C12orf42: variants seen among roughly 807,000 people sequenced by gnomAD.
C12orf42 encodes the protein chromosome 12 open reading frame 42, also known as uncharacterized protein C12orf42.
Under a neutral mutation model 21.6 loss-of-function variants are expected in C12orf42, and 25 were observed. The observed-to-expected ratio is 1.16, with a 90% CI of 0.84 to 1.62. The LOEUF (loss-of-function observed/expected upper bound fraction) is 1.62, where lower values mean the gene tolerates loss of function less well. Ranked by LOEUF, C12orf42 falls within the 40% of genes most tolerant of loss-of-function variation. C12orf42 has a pLI of 0.00. For synonymous variants in C12orf42, 174 were observed against 175.0 expected (o/e 0.99, Z 0.05); for missense variants, 483 against 459.3 (o/e 1.05, Z -0.47).
At chr12:103,465,874 G>T (rs1167189960) in intron 2 of C12orf42, among the ~76,000 whole-genome samples, 2 of 152,160 alleles carry the variant, frequency 1.3e-5, no homozygotes, top group Admixed American at 1.3e-4. Context: ...TTTGTCTTTA[G>T]TTCTGTTTAG....
At chr12:103,123,485 T>C in the C12orf42 span, among the ~76,000 whole-genome samples, 1 of 152,058 alleles carries the variant, frequency 6.6e-6, no homozygotes, top group Admixed American at 6.6e-5. Context: ...CCTGAGAAAG[T>C]AGACCCTTAC....
chr12:103,410,940 C>T (rs776386414), intron 2 of C12orf42, among the ~76,000 whole-genome samples: 3 of 152,192 alleles, frequency 2.0e-5, no homozygotes, highest in Non-Finnish European at 2.9e-5. Flanking sequence ...AAAAAGCTGA[C>T]TGAAAGATTA....
At chr12:103,519,925 A>G in the C12orf42 span, among the ~76,000 whole-genome samples, 2 of 152,190 alleles carry the variant, frequency 1.3e-5, no homozygotes, top group Non-Finnish European at 2.9e-5. Flanking sequence ...AAGTTTACAG[A>G]AAGAGGAGGG....
intron 2 of C12orf42, among the ~76,000 whole-genome samples, chr12:103,469,997 A>T (rs1212055492): frequency 3.9e-5 from 6 of 152,188 alleles, no homozygotes; most frequent in Admixed American, 2.0e-4. Context: ...TGAATACCAA[A>T]AGTGACTTCA....
At chr12:103,054,407 A>G in the C12orf42 span, among the ~76,000 whole-genome samples, 1 of 151,866 alleles carries the variant, frequency 6.6e-6, no homozygotes, top group Non-Finnish European at 1.5e-5. Context: ...TAGGAATACT[A>G]TTGATAATTT....
the C12orf42 span, among the ~76,000 whole-genome samples, chr12:103,132,086 G>T: frequency 6.6e-6 from 1 of 152,112 alleles, no homozygotes; most frequent in Non-Finnish European, 1.5e-5. Context: ...AATATTTGAG[G>T]CAGAATGGGG....
chr12:103,085,068 C>T, the C12orf42 span, among the ~76,000 whole-genome samples: 1 of 152,054 alleles, frequency 6.6e-6, no homozygotes, highest in Admixed American at 6.6e-5. Flanking sequence ...AGAGCAGCCT[C>T]AGAACATTTA....
the C12orf42 span, among the ~76,000 whole-genome samples, chr12:103,225,800 C>A: frequency 6.6e-6 from 1 of 152,094 alleles, no homozygotes; most frequent in South Asian, 2.1e-4. Flanking sequence ...GAAACAGGCC[C>A]TTGAAAAGAA....
chr12:103,368,006 A>C (rs2044779624), intron 4 of C12orf42: 1 of 1,194,356 alleles, frequency 8.4e-7, no homozygotes, highest in Non-Finnish European at 1.1e-6. Flanking sequence ...AAAATGTAGC[A>C]GTTACCTGCT....
At chr12:103,557,221 G>A in the C12orf42 span, among the ~76,000 whole-genome samples, 1 of 152,144 alleles carries the variant, frequency 6.6e-6, no homozygotes, top group Non-Finnish European at 1.5e-5. Flanking sequence ...GAAAGTTTGA[G>A]CTCATTAGAG....
the C12orf42 span, among the ~76,000 whole-genome samples, chr12:103,147,906 T>C: frequency 6.6e-5 from 10 of 152,304 alleles, no homozygotes; most frequent in Admixed American, 5.9e-4. Context: ...TAACCAACTT[T>C]GTGGTTTAAC....
chr12:103,111,190 T>C, the C12orf42 span, among the ~76,000 whole-genome samples: 2 of 152,200 alleles, frequency 1.3e-5, no homozygotes, highest in Non-Finnish European at 2.9e-5. Flanking sequence ...AAATGAAACA[T>C]TAAAAAATAA....
At chr12:103,453,846 A>G (rs1952114485) in intron 2 of C12orf42, among the ~76,000 whole-genome samples, 1 of 152,116 alleles carries the variant, frequency 6.6e-6, no homozygotes, top group African/African-American at 2.4e-5. Context: ...TCTCTTAAAC[A>G]TATAGCTTCT....
At chr12:103,435,064 A>C (rs1167460346) in intron 2 of C12orf42, among the ~76,000 whole-genome samples, 1 of 152,200 alleles carries the variant, frequency 6.6e-6, no homozygotes, top group Non-Finnish European at 1.5e-5. Flanking sequence ...GAGAACAGGC[A>C]GACTGCCTCC....
intron 2 of C12orf42, among the ~76,000 whole-genome samples, chr12:103,472,890 G>A (rs999087085): frequency 2.0e-5 from 3 of 152,196 alleles, no homozygotes; most frequent in Non-Finnish European, 2.9e-5. Context: ...GCAGGTCCTG[G>A]TGGCTTTTTG....
the C12orf42 span, among the ~76,000 whole-genome samples, chr12:103,517,588 C>T: frequency 6.6e-6 from 1 of 152,106 alleles, no homozygotes; most frequent in Admixed American, 6.5e-5. Flanking sequence ...TGAACCAACA[C>T]TTCTTTTCTG....
chr12:103,241,389 A>G (rs1322040434), intron 10 of C12orf42, among the ~76,000 whole-genome samples: 1 of 152,172 alleles, frequency 6.6e-6, no homozygotes, highest in Non-Finnish European at 1.5e-5. Context: ...GGTAAATACA[A>G]CTGAACAGAT....
downstream of C12orf42, among the ~76,000 whole-genome samples, chr12:103,235,608 A>G (rs868070622): frequency 4.6e-5 from 7 of 152,300 alleles, no homozygotes; most frequent in East Asian, 1.2e-3. Flanking sequence ...ATAGTGTTAC[A>G]TGTATGTAAG....
At chr12:103,375,656 T>G (rs1367233869) in intron 3 of C12orf42, among the ~76,000 whole-genome samples, 2 of 152,182 alleles carry the variant, frequency 1.3e-5, no homozygotes, top group African/African-American at 4.8e-5. Context: ...TTGTCATTCG[T>G]GTATTGCTAT....
Sources: gnomAD v4.1 joint callset for allele counts (sites outside exome capture counted in the v4.1 genomes callset) on GRCh38, gnomAD v4.1.1 for gene constraint, MANE v1.5 for transcripts, NCBI Gene and HGNC (gene_info 2026-07-23, HGNC 2026-07-21) for gene names.